SUPT3H: variants seen among roughly 807,000 people sequenced by gnomAD.
SUPT3H encodes the protein SPT3 homolog, SAGA and STAGA complex component, also known as transcription initiation protein SPT3 homolog.
Under a neutral mutation model 44.3 loss-of-function variants are expected in SUPT3H, and 44 were observed. That is an observed-to-expected ratio of 0.99 (90% confidence interval 0.78 to 1.28). The LOEUF (loss-of-function observed/expected upper bound fraction) is 1.28, where lower values mean the gene tolerates loss of function less well. Ranked by LOEUF, SUPT3H falls within the 50% of genes most tolerant of loss-of-function variation. The probability of loss-of-function intolerance (pLI) is 0.00; values close to 1 mark genes in which losing one functional copy is unlikely to be tolerated. For synonymous variants in SUPT3H, 124 were observed against 125.6 expected (o/e 0.99, Z 0.09); for missense variants, 380 against 387.1 (o/e 0.98, Z 0.15).
intron 6 of SUPT3H, among the ~76,000 whole-genome samples, chr6:44,966,084 C>A (rs1231776769): frequency 2.0e-5 from 3 of 152,054 alleles, no homozygotes; most frequent in Non-Finnish European, 4.4e-5. Flanking sequence ...TTAAAAAAAT[C>A]AAGACAGTGG....
chr6:45,180,408 A>C (rs1195450918), intron 2 of SUPT3H, among the ~76,000 whole-genome samples: 1 of 150,786 alleles, frequency 6.6e-6, no homozygotes, highest in Non-Finnish European at 1.5e-5. Flanking sequence ...CCACATCGCC[A>C]AGTCAATCCT....
intron 2 of SUPT3H, among the ~76,000 whole-genome samples, chr6:45,297,043 C>T (rs1296290386): frequency 2.7e-5 from 4 of 149,942 alleles, no homozygotes; most frequent in African/African-American, 7.4e-5. Flanking sequence ...TAACCAAACA[C>T]CACCTGTACC....
intron 10 of SUPT3H, among the ~76,000 whole-genome samples, chr6:44,897,264 A>G (rs1393111417): frequency 1.3e-5 from 2 of 152,240 alleles, no homozygotes; most frequent in African/African-American, 4.8e-5. Context: ...TCGACAGAAT[A>G]TCGGGTTTAT....
At chr6:45,029,146 C>T (rs1337145055) in intron 3 of SUPT3H, among the ~76,000 whole-genome samples, 1 of 151,590 alleles carries the variant, frequency 6.6e-6, no homozygotes, top group Non-Finnish European at 1.5e-5. Flanking sequence ...ACATTTGAAA[C>T]ATAAATGAGT....
intron 10 of SUPT3H, among the ~76,000 whole-genome samples, chr6:44,897,037 A>G (rs1247243059): frequency 6.6e-6 from 1 of 152,250 alleles, no homozygotes; most frequent in Non-Finnish European, 1.5e-5. Flanking sequence ...AGAATGGCTA[A>G]GCCTGAGGTA....
In SUPT3H at chr6:45,101,866, G is replaced by A. The variant is rs2153569113; in HGVS notation, c.186+4056C>T. Among the ~76,000 whole-genome samples, 2 of 151,946 alleles carry A rather than the reference G, an allele frequency of 1.3e-5. 1 individual carries two copies. The highest frequency in any genetic ancestry group is 6.8e-3 in the Middle Eastern group (2 of 294). ...ATTTTCTACTCATATCCCCTGTATT[G>A]AACTCAAAGGGAGTATGAATCCAGG... On this transcript the variant is annotated intron_variant, in intron 3 of 10. Coordinates refer to ENST00000371459, the MANE Select transcript of SUPT3H (RefSeq NM_003599.4).
intron 10 of SUPT3H, among the ~76,000 whole-genome samples, chr6:44,901,121 C>T (rs1306543254): frequency 1.3e-5 from 2 of 151,606 alleles, no homozygotes; most frequent in Admixed American, 6.6e-5. Context: ...AGCACCTCTC[C>T]TCCTCCAAAG....
intron 1 of SUPT3H, among the ~76,000 whole-genome samples, chr6:45,369,837 G>A (rs748165232): frequency 2.8e-4 from 42 of 152,114 alleles, no homozygotes; most frequent in Non-Finnish European, 5.3e-4. Flanking sequence ...AAAAAAACAA[G>A]TTGATTTCAA....
At chr6:44,883,630 C>T (rs190881277) in intron 10 of SUPT3H, among the ~76,000 whole-genome samples, 13 of 152,254 alleles carry the variant, frequency 8.5e-5, no homozygotes, top group Non-Finnish European at 1.8e-4. Flanking sequence ...TACTACAAGG[C>T]TACAGTAACC....
At chr6:45,161,091 C>A (rs1184158677) in intron 2 of SUPT3H, among the ~76,000 whole-genome samples, 1 of 152,116 alleles carries the variant, frequency 6.6e-6, no homozygotes, top group Non-Finnish European at 1.5e-5. Context: ...ACACCTGCTC[C>A]CCCTTTACCT....
At chr6:45,002,871 C>G (rs570014450) in intron 6 of SUPT3H, among the ~76,000 whole-genome samples, 73 of 6,256 alleles carry the variant, frequency 0.012, no homozygotes, top group African/African-American at 0.11. Context: ...AAAGTTGGCA[C>G]TTAGCACATC....
chr6:45,057,024 G>A (rs1276336733), intron 3 of SUPT3H, among the ~76,000 whole-genome samples: 1 of 152,000 alleles, frequency 6.6e-6, no homozygotes, highest in Admixed American at 6.6e-5. Context: ...TATAAACATA[G>A]AATTGAAAGA....
intron 10 of SUPT3H, among the ~76,000 whole-genome samples, chr6:44,901,120 C>G (rs1416945885): frequency 6.6e-6 from 1 of 151,640 alleles, no homozygotes; most frequent in African/African-American, 2.4e-5. Flanking sequence ...GAGCACCTCT[C>G]CTCCTCCAAA....
intron 2 of SUPT3H, among the ~76,000 whole-genome samples, chr6:45,115,763 C>T (rs779852232): frequency 1.1e-4 from 16 of 152,246 alleles, no homozygotes; most frequent in Admixed American, 5.2e-4. Context: ...AATGCACTTA[C>T]ATTCAACGAA....
chr6:45,339,497 T>A (rs1410906761), intron 2 of SUPT3H, among the ~76,000 whole-genome samples: 1 of 152,174 alleles, frequency 6.6e-6, no homozygotes, highest in African/African-American at 2.4e-5. Context: ...ATTAGTTCCT[T>A]TCTTTCCTTC....
At position 45,288,547 on chromosome 6, in the gene SUPT3H, G is replaced by GTGTGTGTGTA. The variant is rs1451616957; in HGVS notation, c.101+76653_101+76654insTACACACACA. Among the ~76,000 whole-genome samples the GTGTGTGTGTA allele has an allele frequency of 7.9e-5, 10 of 126,746 alleles. 3 individuals are homozygous for GTGTGTGTGTA. Among genetic ancestry groups the GTGTGTGTGTA allele is most frequent in the East Asian group, 5.3e-4 (2 of 3,740 alleles). 83.2% of individuals were successfully genotyped at this position (126,746 alleles called of 152,430 possible). On this transcript the variant is annotated intron_variant, in intron 2 of 10. Transcript: ENST00000371459. The stretch of plus-strand genomic sequence containing the variant: ...AGAGATACAATGTGTGTGTGTGTGT[G>GTGTGTGTGTA]TATATATATATATATATGTATATAT...
intron 10 of SUPT3H, among the ~76,000 whole-genome samples, chr6:44,901,603 G>GAA (rs1765072189): frequency 6.6e-6 from 1 of 151,722 alleles, no homozygotes; most frequent in African/African-American, 2.4e-5. Flanking sequence ...CACTCTGCAG[G>GAA]ATATTATCCA....
intron 2 of SUPT3H, among the ~76,000 whole-genome samples, chr6:45,116,537 C>T (rs1256130008): frequency 6.6e-6 from 1 of 152,108 alleles, no homozygotes; most frequent in Non-Finnish European, 1.5e-5. Context: ...ATATTTGTTC[C>T]AGTAAGTGAA....
intron 2 of SUPT3H, among the ~76,000 whole-genome samples, chr6:45,206,498 C>T (rs1248306899): frequency 1.3e-5 from 2 of 151,742 alleles, no homozygotes; most frequent in Non-Finnish European, 2.9e-5. Flanking sequence ...GTGACTTTTA[C>T]TCTGAATAAA....
Sources: gnomAD v4.1 joint callset for allele counts (sites outside exome capture counted in the v4.1 genomes callset) on GRCh38, gnomAD v4.1.1 for gene constraint, MANE v1.5 for transcripts, NCBI Gene and HGNC (gene_info 2026-07-23, HGNC 2026-07-21) for gene names.